MPP7: variants seen among roughly 807,000 people sequenced by gnomAD.
The protein encoded by MPP7 is MAGUK p55 subfamily member 7.
Under a neutral mutation model 76.5 loss-of-function variants are expected in MPP7, and 60 were observed. The observed-to-expected ratio is 0.78, with a 90% CI of 0.64 to 0.97. The LOEUF (loss-of-function observed/expected upper bound fraction) is 0.97, where lower values mean the gene tolerates loss of function less well. Among genes scored for constraint, MPP7 ranks in the 50% least tolerant of loss-of-function variants. The pLI is 0.00. For synonymous variants in MPP7, 237 were observed against 244.5 expected (o/e 0.97, Z 0.29); for missense variants, 641 against 694.0 (o/e 0.92, Z 0.86).
chr10:28,231,972 G>A (rs998519516), intron 2 of MPP7, among the ~76,000 whole-genome samples: 14 of 152,018 alleles, frequency 9.2e-5, no homozygotes, highest in Admixed American at 6.6e-4. Flanking sequence ...AACAAAATAC[G>A]AGCAAACCAA....
At chr10:28,055,602 A>G (rs933821871) in intron 16 of MPP7, among the ~76,000 whole-genome samples, 1 of 152,230 alleles carries the variant, frequency 6.6e-6, no homozygotes, top group Non-Finnish European at 1.5e-5. Flanking sequence ...TAACACTCAT[A>G]GAAAATACAA....
chr10:28,136,729 G>A (rs1332475385), intron 5 of MPP7, among the ~76,000 whole-genome samples: 1 of 152,086 alleles, frequency 6.6e-6, no homozygotes, highest in Admixed American at 6.6e-5. Context: ...TACACTGAAT[G>A]AGATTAATAT....
chr10:28,260,769 C>CAAAAAA (rs772017051), intron 1 of MPP7, among the ~76,000 whole-genome samples: 4 of 68,336 alleles, frequency 5.9e-5, no homozygotes, highest in African/African-American at 1.1e-4. Flanking sequence ...GACTCCATCT[C>CAAAAAA]AAAAAAAAAA....
chr10:28,146,962 T>C (rs769606176), intron 5 of MPP7, among the ~76,000 whole-genome samples: 3 of 152,120 alleles, frequency 2.0e-5, no homozygotes, highest in Non-Finnish European at 4.4e-5. Context: ...AAGGGAGAAT[T>C]GAAATCTGTC....
intron 3 of MPP7, among the ~76,000 whole-genome samples, chr10:28,155,598 C>CAAAAA (rs71391013): frequency 3.2e-5 from 4 of 124,670 alleles, no homozygotes; most frequent in Non-Finnish European, 4.8e-5. Flanking sequence ...ACCCTGTCTC[C>CAAAAA]AAAAAAAAAA....
In MPP7 at chr10:28,131,693, T is replaced by C; in HGVS notation, c.316-2A>G. The C allele has an allele frequency of 6.4e-7, 1 of 1,552,926 alleles. No individual in the cohort carries two copies. Among genetic ancestry groups the C allele is most frequent in the Non-Finnish European group, 8.7e-7 (1 of 1,144,340 alleles). Reference sequence around the variant, plus strand: ...AGTATCATGTACAGAGAGCAAAGCCTGTAATATTCAAAGGTTGATTTAAAT... The same window carrying C: ...AGTATCATGTACAGAGAGCAAAGCCCGTAATATTCAAAGGTTGATTTAAAT... On this transcript the variant is annotated splice_acceptor_variant, in intron 5 of 16. Coordinates refer to ENST00000683449, the MANE Select transcript of MPP7 (RefSeq NM_001318170.2). LOFTEE classifies it high-confidence loss of function.
chr10:28,296,765 G>C (rs995323352), intron 1 of MPP7, among the ~76,000 whole-genome samples: 7 of 152,148 alleles, frequency 4.6e-5, no homozygotes, highest in African/African-American at 1.4e-4. Context: ...ACATTTATAT[G>C]CCTGGAAAAA....
chr10:28,156,689 C>T lies in MPP7; in HGVS notation c.157-6630G>A, dbSNP rs537776360. 1.8e-3 allele frequency among the ~76,000 whole-genome samples: 276 copies of T among 152,204 alleles called. 1 individual carries two copies. Among genetic ancestry groups the T allele is most frequent in the African/African-American group, 6.4e-3 (264 of 41,544 alleles). ...CAAGTGGCAAATGATGGAAAGGGTG[C>T]AAGACCAAGCTGAGAGTATCATAAG... is the stretch of plus-strand genomic sequence containing the variant. On this transcript the variant is annotated intron_variant, in intron 3 of 16. Transcript: ENST00000683449.
At chr10:28,073,514 A>G (rs1246538600) in intron 12 of MPP7, among the ~76,000 whole-genome samples, 2 of 152,202 alleles carry the variant, frequency 1.3e-5, no homozygotes, top group African/African-American at 4.8e-5. Context: ...TCACACCTGT[A>G]ATCCCAGCAC....
chr10:28,299,766 CTT>C (rs59047415), intron 1 of MPP7, among the ~76,000 whole-genome samples: 7,703 of 132,574 alleles, frequency 0.058, 214 homozygotes, highest in Non-Finnish European at 0.08. Flanking sequence ...AAATTCAAGA[CTT>C]TTTTTTTTTT....
chr10:28,298,830 A>T (rs1243933810), intron 1 of MPP7, among the ~76,000 whole-genome samples: 1 of 152,260 alleles, frequency 6.6e-6, no homozygotes, highest in African/African-American at 2.4e-5. Flanking sequence ...AACATGCTAC[A>T]GCTTCTATAT....
chr10:28,237,698 C>T (rs1175415823), intron 2 of MPP7, among the ~76,000 whole-genome samples: 1 of 152,196 alleles, frequency 6.6e-6, no homozygotes, highest in East Asian at 1.9e-4. Context: ...AGAGCTATAT[C>T]AACCAAATTC....
intron 11 of MPP7, among the ~76,000 whole-genome samples, chr10:28,098,180 G>A (rs1853656472): frequency 6.6e-6 from 1 of 151,776 alleles, no homozygotes; most frequent in Admixed American, 6.6e-5. Context: ...TAAAAAACTT[G>A]GAAGTAACCA....
intron 1 of MPP7, among the ~76,000 whole-genome samples, chr10:28,281,414 T>C (rs904014085): frequency 1.3e-5 from 2 of 152,052 alleles, no homozygotes; most frequent in Non-Finnish European, 2.9e-5. Context: ...AAAAGGAAGA[T>C]GACTTCTGTA....
intron 1 of MPP7, among the ~76,000 whole-genome samples, chr10:28,276,030 CT>C (rs537127115): frequency 0.11 from 13,913 of 131,036 alleles, 586 homozygotes; most frequent in South Asian, 0.15. Context: ...CCATCACATA[CT>C]TTTTTTTTTT....
chr10:28,059,770 A>G lies in MPP7; in HGVS notation c.1205-27T>C, dbSNP rs944413396. Reference sequence around the variant, plus strand: ...TATGATTTAATGAAAAGGAGTTTAGAAAAGCCCACATCAGCCACCTTAAGG... The same window carrying G: ...TATGATTTAATGAAAAGGAGTTTAGGAAAGCCCACATCAGCCACCTTAAGG... On this transcript the variant is annotated intron_variant, in intron 13 of 16. Transcript: ENST00000683449. 15 of 1,479,900 alleles carry G rather than the reference A, an allele frequency of 1.0e-5. No individual in the cohort carries two copies. In the African/African-American group the frequency reaches 1.9e-4, roughly 19 times the overall value. 91.7% of individuals were successfully genotyped at this position (1,479,900 alleles called of 1,614,324 possible). A position where few individuals can be genotyped will look rare whatever the true frequency, so the allele number is the denominator to read the frequency against.
intron 3 of MPP7, among the ~76,000 whole-genome samples, chr10:28,201,357 A>T (rs1837765898): frequency 6.6e-6 from 1 of 152,216 alleles, no homozygotes; most frequent in South Asian, 2.1e-4. Context: ...AGTTAGCTGA[A>T]TTTAAAAATA....
At chr10:28,164,499 G>A (rs1836377744) in intron 3 of MPP7, among the ~76,000 whole-genome samples, 1 of 152,092 alleles carries the variant, frequency 6.6e-6, no homozygotes, top group Non-Finnish European at 1.5e-5. Flanking sequence ...GAGAAGGCAG[G>A]TAGTCACCCG....
At chr10:28,147,806 T>C (rs1373340053) in intron 4 of MPP7, among the ~76,000 whole-genome samples, 3 of 152,218 alleles carry the variant, frequency 2.0e-5, no homozygotes, top group Admixed American at 1.3e-4. Flanking sequence ...GATCACCTTC[T>C]GATTTATTGC....
Sources: allele counts gnomAD v4.1 joint callset (sites outside exome capture counted in the v4.1 genomes callset), GRCh38; gene constraint gnomAD v4.1.1; transcripts MANE v1.5; gene names NCBI Gene and HGNC (gene_info 2026-07-23, HGNC 2026-07-21).